ZNF827: variants seen among roughly 807,000 people sequenced by gnomAD.
ZNF827 encodes the protein zinc finger protein 827.
A neutral mutation model predicts 102.4 loss-of-function variants in ZNF827; 13 were observed. That is an observed-to-expected ratio of 0.13 (90% CI 0.08 to 0.20). ZNF827 has a LOEUF of 0.20. ZNF827 is among the 10% of genes least tolerant of loss of function. ZNF827 has a pLI of 1.00. For synonymous variants in ZNF827, 523 were observed against 536.2 expected, an observed-to-expected ratio of 0.98 and a Z score of 0.34; for missense variants, 1,103 against 1,344.4, an observed-to-expected ratio of 0.82 and a Z score of 2.81.
At chr4:145,856,975 G>A (rs989075529) in intron 5 of ZNF827, among the ~76,000 whole-genome samples, 5 of 110,376 alleles carry the variant, frequency 4.5e-5, no homozygotes, top group African/African-American at 1.4e-4. Context: ...TCATGCGCGC[G>A]CACGCGCACG....
At position 145,775,842 on chromosome 4, in the gene ZNF827, G is replaced by A; in HGVS notation, c.2640C>T (p.Val880=). 1.9e-6 allele frequency: 3 copies of A among 1,614,192 alleles called. No individual in the cohort carries two copies. The highest frequency in any genetic ancestry group is 2.5e-6 in the Non-Finnish European group (3 of 1,180,034). ...KLVSTDTEDI[V]SAVTSEGSDG... ...CACTGCCTTCAGAGGTGACGGCGCT[G>A]ACAATGTCCTCGGTGTCTGTACTCA... Residue 880 remains valine, a synonymous_variant, in exon 10 of 15, where the codon GTC becomes GTT. Coordinates refer to ENST00000508784, the MANE Select transcript of ZNF827 (RefSeq NM_001306215.2).
intron 1 of ZNF827, among the ~76,000 whole-genome samples, chr4:145,937,475 G>A (rs1754280577): frequency 6.6e-6 from 1 of 150,658 alleles, no homozygotes; most frequent in Non-Finnish European, 1.5e-5. Context: ...CGCGCGCCGC[G>A]AGCCGCCCTG....
intron 5 of ZNF827, among the ~76,000 whole-genome samples, chr4:145,860,582 T>C (rs1156858077): frequency 6.6e-6 from 1 of 152,108 alleles, no homozygotes; most frequent in Non-Finnish European, 1.5e-5. Context: ...TCTCCAGCTG[T>C]GGAGATAAGT....
At position 145,765,765 on chromosome 4, in the gene ZNF827, T is replaced by G. The variant is rs779040084; in HGVS notation, c.2861-27A>C. On this transcript the variant is annotated intron_variant, in intron 11 of 14. Transcript: ENST00000508784. The surrounding 1 kb of genome is among the most constrained non-coding windows in gnomAD (Gnocchi z 4.7). ...TGAAAAATAAGCAAATAACCCAGTC[T>G]GTTAATGAGATGAAAATCCTCAGAA... The G allele has an allele frequency of 2.4e-5, 38 of 1,602,814 alleles. No homozygotes were observed. The highest frequency in any genetic ancestry group is 3.2e-5 in the Non-Finnish European group (37 of 1,173,998).
intron 5 of ZNF827, among the ~76,000 whole-genome samples, chr4:145,855,955 T>C (rs1488695697): frequency 2.0e-5 from 3 of 152,140 alleles, no homozygotes; most frequent in African/African-American, 7.2e-5. Context: ...TGTCTCCCCC[T>C]GTATCACAAA....
At position 145,902,024 on chromosome 4, in the gene ZNF827, TTAAAG is replaced by T. The variant is rs1251883914; in HGVS notation, c.1093+137_1093+141del. 2.9e-6 allele frequency: 3 copies of T among 1,049,616 alleles called. No homozygotes were observed. In the African/African-American group the frequency reaches 4.8e-5, roughly 17 times the overall value. 65.0% of individuals were successfully genotyped at this position (1,049,616 alleles called of 1,614,324 possible). On this transcript the variant is annotated intron_variant, in intron 2 of 14. Coordinates refer to ENST00000508784, the MANE Select transcript of ZNF827 (RefSeq NM_001306215.2). This position sits in a 1 kb window ranked among gnomAD's most constrained non-coding sequence, Gnocchi z 4.3. ...CATGAAAGACTACTATGCTGCTTAC[TTAAAG>T]TATTTTTGTTGTGCTCTTGCTTTTT...
chr4:145,846,524 A>G (rs1745966660), intron 6 of ZNF827, among the ~76,000 whole-genome samples: 1 of 139,788 alleles, frequency 7.2e-6, no homozygotes, highest in Non-Finnish European at 1.5e-5. Flanking sequence ...ACAAAAAACA[A>G]CCATCACTCA....
intron 8 of ZNF827, among the ~76,000 whole-genome samples, chr4:145,808,422 A>C (rs968748200): frequency 8.5e-5 from 13 of 152,164 alleles, no homozygotes; most frequent in African/African-American, 3.1e-4. Flanking sequence ...TGAATCTTTC[A>C]AGCCTAATTC....
intron 7 of ZNF827, among the ~76,000 whole-genome samples, chr4:145,833,720 C>T (rs575396278): frequency 4.0e-5 from 6 of 151,134 alleles, no homozygotes; most frequent in Admixed American, 1.3e-4. Context: ...CCCTTATTTC[C>T]GTGCCCCAAC....
rs767360470 is a variant in ZNF827 at position 145,892,363 on chromosome 4, A to G, written c.1146T>C (p.Val382=). The change falls in exon 3 of 15, where the codon GTT becomes GTC. Residue 382 remains valine, a synonymous_variant. Coordinates refer to ENST00000508784, the MANE Select transcript of ZNF827 (RefSeq NM_001306215.2). ...GCTTCCAGTAACTCTTCCTTTTAAT[A>G]ACCAAACCACATATTGGACACTGGA... ...KPFQCPICGL[V]IKRKSYWKRH... 1.2e-6 allele frequency: 2 copies of G among 1,614,136 alleles called. No homozygotes were observed. The highest frequency in any genetic ancestry group is 8.5e-7 in the Non-Finnish European group (1 of 1,180,012).
At chr4:145,771,986 GAGGTCCT>G (rs1173018695) in intron 11 of ZNF827, among the ~76,000 whole-genome samples, 5 of 152,202 alleles carry the variant, frequency 3.3e-5, no homozygotes, top group Non-Finnish European at 1.5e-5. Context: ...GAAGTTAACT[GAGGTCCT>G]ACATTCACAA....
chr4:145,773,593 C>G (rs879352932), intron 11 of ZNF827, among the ~76,000 whole-genome samples: 6 of 152,196 alleles, frequency 3.9e-5, no homozygotes, highest in Non-Finnish European at 8.8e-5. Context: ...TTAATGACTC[C>G]TTGCTGGTAT....
intron 5 of ZNF827, among the ~76,000 whole-genome samples, chr4:145,855,784 A>G (rs1330594714): frequency 6.6e-6 from 1 of 152,238 alleles, no homozygotes; most frequent in Non-Finnish European, 1.5e-5. Flanking sequence ...GTGGAAGTGA[A>G]GCAGCCTCGG....
chr4:145,865,325 T>G (rs1320635293), intron 5 of ZNF827, among the ~76,000 whole-genome samples: 1 of 152,144 alleles, frequency 6.6e-6, no homozygotes, highest in East Asian at 1.9e-4. Flanking sequence ...AAAAGTAAAA[T>G]GTACATTTAA....
chr4:145,861,143 G>T (rs1343178221), intron 5 of ZNF827, among the ~76,000 whole-genome samples: 1 of 151,580 alleles, frequency 6.6e-6, no homozygotes, highest in Non-Finnish European at 1.5e-5. Context: ...ATATTCATGC[G>T]ATTTAATTAT....
At chr4:145,826,632 G>C (rs751813947) in intron 7 of ZNF827, among the ~76,000 whole-genome samples, 2 of 152,210 alleles carry the variant, frequency 1.3e-5, no homozygotes, top group Admixed American at 6.5e-5. Flanking sequence ...AGTTATTGTT[G>C]TTAATCTCTT....
At chr4:145,839,745 T>C (rs1745230881) in intron 7 of ZNF827, among the ~76,000 whole-genome samples, 1 of 152,246 alleles carries the variant, frequency 6.6e-6, no homozygotes, top group African/African-American at 2.4e-5. Context: ...ACACAGTCTC[T>C]GGATGTCCAC....
intron 6 of ZNF827, among the ~76,000 whole-genome samples, chr4:145,846,852 C>A (rs1369846004): frequency 1.4e-5 from 2 of 146,826 alleles, no homozygotes; most frequent in African/African-American, 2.5e-5. Flanking sequence ...ACAACAACAA[C>A]AAAAAACAAC....
At chr4:145,909,561 C>G (rs1752118926) in intron 1 of ZNF827, among the ~76,000 whole-genome samples, 1 of 152,146 alleles carries the variant, frequency 6.6e-6, no homozygotes, top group South Asian at 2.1e-4. Flanking sequence ...AGGTCATGTT[C>G]CCCTCCATGG....
Sources: allele counts gnomAD v4.1 joint callset (sites outside exome capture counted in the v4.1 genomes callset), GRCh38; gene constraint gnomAD v4.1.1; non-coding constraint Gnocchi (gnomAD v3.1); transcripts MANE v1.5; gene names NCBI Gene and HGNC (gene_info 2026-07-23, HGNC 2026-07-21).